Variants in RFTN1 observed in about 807,000 individuals in gnomAD.
RFTN1 encodes the protein raftlin, lipid raft linker 1, also known as raftlin.
A neutral mutation model predicts 46.5 loss-of-function variants in RFTN1; 26 were observed. That is an observed-to-expected ratio of 0.56 (90% CI 0.41 to 0.78). The LOEUF is 0.78. RFTN1 is among the 30% of genes least tolerant of loss of function. RFTN1 has a pLI of 0.00. For missense variants in RFTN1, 693 were observed against 718.7 expected (o/e 0.96, Z 0.41); for synonymous variants, 261 against 284.2 (o/e 0.92, Z 0.82).
intron 6 of RFTN1, among the ~76,000 whole-genome samples, chr3:16,358,304 A>G (rs2072593495): frequency 6.6e-6 from 1 of 152,162 alleles, no homozygotes; most frequent in Admixed American, 6.5e-5. Flanking sequence ...AGCAATCACC[A>G]TTTGATTTCA....
intron 5 of RFTN1, among the ~76,000 whole-genome samples, chr3:16,372,312 C>A (rs1269442749): frequency 2.0e-4 from 31 of 152,138 alleles, no homozygotes; most frequent in Admixed American, 1.9e-3. Flanking sequence ...TTCAGATTCA[C>A]CCACCAAGGG....
chr3:16,437,174 G>A lies in RFTN1; in HGVS notation c.146-3137C>T, dbSNP rs180761963. 1.1e-3 allele frequency among the ~76,000 whole-genome samples: 167 copies of A among 152,272 alleles called. 1 individual carries two copies. Among genetic ancestry groups the A allele is most frequent in the Admixed American group, 9.4e-3 (144 of 15,306 alleles). On this transcript the variant is annotated intron_variant, in intron 2 of 9. Coordinates refer to ENST00000334133, the MANE Select transcript of RFTN1 (RefSeq NM_015150.2). ...GTTATTCTATATTTTATTGCTATTG[G>A]AATAATACATTTTCCTTTTTCACTT...
chr3:16,333,236 T>C lies in RFTN1; in HGVS notation c.1147-6360A>G, dbSNP rs572726402. 2.6e-4 allele frequency among the ~76,000 whole-genome samples: 40 copies of C among 152,386 alleles called. 1 individual carries two copies. The South Asian group carries it at 4.1e-3, about 16-fold the overall frequency. On this transcript the variant is annotated intron_variant, in intron 7 of 9. Coordinates refer to ENST00000334133, the MANE Select transcript of RFTN1 (RefSeq NM_015150.2). The stretch of plus-strand genomic sequence containing the variant: ...CAAAAATGTGAAAAATGTGGCACTA[T>C]GTGTACCACAAAAAGGACACTTGCT...
intron 3 of RFTN1, chr3:16,416,223 G>A (rs2075077062): frequency 2.2e-6 from 1 of 456,298 alleles, no homozygotes; most frequent in South Asian, 1.6e-5. Flanking sequence ...TGAAAATCAA[G>A]AATGAATAGG....
chr3:16,406,607 T>C (rs964538246), intron 4 of RFTN1, among the ~76,000 whole-genome samples: 1 of 152,242 alleles, frequency 6.6e-6, no homozygotes, highest in Admixed American at 6.5e-5. Flanking sequence ...GATGATACGA[T>C]GGGCTTTAAA....
In RFTN1 at chr3:16,459,852, T is replaced by C. The variant is rs1355249165; in HGVS notation, c.146-25815A>G. ...AATAAGATTTATATACAATAAGTTTTGAGAGAAGTTTATCATTTTTTGGTT... is the reference window on the plus strand; with the variant it reads ...AATAAGATTTATATACAATAAGTTTCGAGAGAAGTTTATCATTTTTTGGTT... On this transcript the variant is annotated intron_variant, in intron 2 of 9. Transcript: ENST00000334133. This position sits in a 1 kb window ranked among gnomAD's most constrained non-coding sequence, Gnocchi z 4.2. 6.6e-6 allele frequency among the ~76,000 whole-genome samples: 1 copy of C among 152,192 alleles called. No individual in the cohort carries two copies. The highest frequency in any genetic ancestry group is 2.4e-5 in the African/African-American group (1 of 41,456).
rs773885339 is a variant in RFTN1, at chr3:16,377,791, T to C, written c.753A>G (p.Pro251=). 1.2e-6 allele frequency: 2 copies of C among 1,614,176 alleles called. No individual in the cohort carries two copies. Among genetic ancestry groups the C allele is most frequent in the Admixed American group, 1.7e-5 (1 of 60,022 alleles). ...CATCCAGTGTCTTGCTCACCCCCTG[T>C]GGTGAAAGTTCTCCACCATCTCCCT... is the stretch of plus-strand genomic sequence containing the variant. ...SGEGDGGELS[P]QGVSKTLDGP... Residue 251 remains proline, a synonymous_variant, in exon 5 of 10, where the codon CCA becomes CCG. Transcript: ENST00000334133.
rs2124920785 is a variant in RFTN1, at chr3:16,457,202, G to A, written c.146-23165C>T. Among the ~76,000 whole-genome samples, 1 of 152,318 alleles carries A rather than the reference G, an allele frequency of 6.6e-6. No homozygotes were observed. Among genetic ancestry groups the A allele is most frequent in the African/African-American group, 2.4e-5 (1 of 41,566 alleles). Reference sequence around the variant, plus strand: ...TTTCTACCAAAGGCCAGGCCTGTCTGGGTAAATCCATTCCCTTCAGTAAAC... The same window carrying A: ...TTTCTACCAAAGGCCAGGCCTGTCTAGGTAAATCCATTCCCTTCAGTAAAC... On this transcript the variant is annotated intron_variant, in intron 2 of 9. Coordinates refer to ENST00000334133, the MANE Select transcript of RFTN1 (RefSeq NM_015150.2). The surrounding 1 kb of genome is among the most constrained non-coding windows in gnomAD (Gnocchi z 4.2).
rs2125219259 is a variant in RFTN1, at chr3:16,325,456, T to C, written c.1250+1317A>G. 1.3e-5 allele frequency among the ~76,000 whole-genome samples: 2 copies of C among 152,298 alleles called. 1 individual carries two copies. Among genetic ancestry groups the C allele is most frequent in the East Asian group, 3.9e-4 (2 of 5,188 alleles). On this transcript the variant is annotated intron_variant, in intron 8 of 9. Coordinates refer to ENST00000334133, the MANE Select transcript of RFTN1 (RefSeq NM_015150.2). The stretch of plus-strand genomic sequence containing the variant: ...TAGGTGGCTCAGAACCAGCTGGGCC[T>C]TCACATTCAAATACATTCTGAGTCT...
At chr3:16,462,811 T>C (rs891485830) in intron 2 of RFTN1, among the ~76,000 whole-genome samples, 15 of 152,310 alleles carry the variant, frequency 9.8e-5, no homozygotes, top group African/African-American at 3.6e-4. Context: ...GCAGGTCTCG[T>C]TTGACCTTTA....
At chr3:16,434,581 T>A (rs2075465403) in intron 2 of RFTN1, 1 of 151,860 alleles carries the variant, frequency 6.6e-6, no homozygotes, top group African/African-American at 2.4e-5. Context: ...AAAATAATAA[T>A]GGACTGTCTT....
chr3:16,343,501 C>G (rs916374228), intron 7 of RFTN1, among the ~76,000 whole-genome samples: 2 of 152,178 alleles, frequency 1.3e-5, no homozygotes, highest in African/African-American at 4.8e-5. Flanking sequence ...AGGTGTCTCC[C>G]GCATCACTGT....
intron 4 of RFTN1, among the ~76,000 whole-genome samples, chr3:16,399,012 T>C (rs573916330): frequency 6.6e-6 from 1 of 152,364 alleles, no homozygotes; most frequent in South Asian, 2.1e-4. Flanking sequence ...AATAGGCCAC[T>C]TGTCTATTCT....
rs2076684839 is a variant in RFTN1 at position 16,499,928 on chromosome 3, A to G, written c.-8-6051T>C. 6.6e-6 allele frequency among the ~76,000 whole-genome samples: 1 copy of G among 152,160 alleles called. No homozygotes were observed. Among genetic ancestry groups the G allele is most frequent in the Admixed American group, 6.5e-5 (1 of 15,280 alleles). ...TGTTGGGTTATATGATAAGTGCAGG[A>G]GCCCTGTTAATGAAAAAATGCTTCT... is the stretch of plus-strand genomic sequence containing the variant. On this transcript the variant is annotated intron_variant, in intron 1 of 9. Coordinates refer to ENST00000334133, the MANE Select transcript of RFTN1 (RefSeq NM_015150.2). The surrounding 1 kb of genome is among the most constrained non-coding windows in gnomAD (Gnocchi z 4.9).
chr3:16,436,545 C>T (rs148974679), intron 2 of RFTN1, among the ~76,000 whole-genome samples: 470 of 152,068 alleles, frequency 3.1e-3, no homozygotes, highest in African/African-American at 0.011. Context: ...AGCAGAAAGA[C>T]CTGGGATTAT....
At chr3:16,482,193 C>T (rs1024864703) in intron 2 of RFTN1, among the ~76,000 whole-genome samples, 5 of 152,128 alleles carry the variant, frequency 3.3e-5, no homozygotes, top group African/African-American at 9.7e-5. Flanking sequence ...AGTCGGAAGA[C>T]CTCAGTGCAA....
At position 16,466,973 on chromosome 3, in the gene RFTN1, C is replaced by T. The variant is rs2076105511; in HGVS notation, c.145+26752G>A. Among the ~76,000 whole-genome samples the T allele has an allele frequency of 6.6e-6, 1 of 152,080 alleles. No individual in the cohort carries two copies. Among genetic ancestry groups the T allele is most frequent in the African/African-American group, 2.4e-5 (1 of 41,398 alleles). On this transcript the variant is annotated intron_variant, in intron 2 of 9. Transcript: ENST00000334133. This position sits in a 1 kb window ranked among gnomAD's most constrained non-coding sequence, Gnocchi z 5.6. ...GTTAGTAGGGGGATGGATGCAAAGG[C>T]CAGATGTGGGAGAAAGAGACTGGCA...
rs1270863211 is a variant in RFTN1, at chr3:16,345,820, G to A, written c.1146+12112C>T. Among the ~76,000 whole-genome samples the A allele has an allele frequency of 2.1e-4, 12 of 56,884 alleles. No individual in the cohort carries two copies. The highest frequency in any genetic ancestry group is 7.8e-4 in the South Asian group (1 of 1,288). 37.3% of individuals were successfully genotyped at this position (56,884 alleles called of 152,430 possible). A position where few individuals can be genotyped will look rare whatever the true frequency, so the allele number is the denominator to read the frequency against. On this transcript the variant is annotated intron_variant, in intron 7 of 9. Transcript: ENST00000334133. This position sits in a 1 kb window ranked among gnomAD's most constrained non-coding sequence, Gnocchi z 5.2. ...TGTGTGTGTGTGTGTGTGTGTGTGC[G>A]CGCGCGCGTGCGCGCACGCGCACAT...
intron 1 of RFTN1, among the ~76,000 whole-genome samples, chr3:16,497,008 A>AAT: frequency 6.6e-6 from 1 of 152,332 alleles, no homozygotes; most frequent in East Asian, 1.9e-4. Flanking sequence ...CCCGTTATAC[A>AAT]GAGTTCCAAA....
Sources: gnomAD v4.1 joint callset for allele counts (sites outside exome capture counted in the v4.1 genomes callset) on GRCh38, gnomAD v4.1.1 for gene constraint, Gnocchi (gnomAD v3.1) non-coding constraint, MANE v1.5 for transcripts, NCBI Gene and HGNC (gene_info 2026-07-23, HGNC 2026-07-21) for gene names.